C1QTNF3: variants seen among roughly 807,000 people sequenced by gnomAD.
C1QTNF3 encodes complement C1q tumor necrosis factor-related protein 3.
A neutral mutation model predicts 32.6 loss-of-function variants in C1QTNF3; 26 were observed. That is an observed-to-expected ratio of 0.80 (90% CI 0.58 to 1.11). The LOEUF (loss-of-function observed/expected upper bound fraction) is 1.11, where lower values mean the gene tolerates loss of function less well. C1QTNF3 is among the 50% of genes least tolerant of loss of function. The pLI, the probability that C1QTNF3 is intolerant of heterozygous loss-of-function variation, is 0.00. For missense variants in C1QTNF3, 362 were observed against 398.2 expected (o/e 0.91, Z 0.77); for synonymous variants, 155 against 146.0 (o/e 1.06, Z -0.44).
chr5:34,104,547 T>G, the C1QTNF3 span, among the ~76,000 whole-genome samples: 1 of 56,226 alleles, frequency 1.8e-5, no homozygotes, highest in African/African-American at 7.2e-5. Context: ...TTTTATGTAT[T>G]TTTTTGAGAT....
chr5:34,098,950 AG>A, the C1QTNF3 span, among the ~76,000 whole-genome samples: 1 of 152,170 alleles, frequency 6.6e-6, no homozygotes, highest in African/African-American at 2.4e-5. Context: ...ATCAGAATTC[AG>A]TATGTGTTAG....
chr5:34,176,006 G>A, the C1QTNF3 span: 3 of 712,902 alleles, frequency 4.2e-6, no homozygotes, highest in Non-Finnish European at 5.2e-6. Context: ...AATTGTAAAT[G>A]TTAGATAAAA....
the C1QTNF3 span, among the ~76,000 whole-genome samples, chr5:34,197,204 A>G: frequency 3.3e-5 from 5 of 152,296 alleles, no homozygotes; most frequent in African/African-American, 1.2e-4. Flanking sequence ...TAATGCTACC[A>G]GTACTAAGGA....
intron 3 of C1QTNF3, among the ~76,000 whole-genome samples, chr5:34,031,812 C>A (rs946050625): frequency 5.9e-5 from 9 of 152,056 alleles, no homozygotes; most frequent in African/African-American, 2.2e-4. Context: ...AGCCTGTGCA[C>A]ACACACACAA....
the C1QTNF3 span, among the ~76,000 whole-genome samples, chr5:34,229,240 T>C: frequency 3.3e-5 from 5 of 151,932 alleles, no homozygotes; most frequent in Non-Finnish European, 7.4e-5. Flanking sequence ...CACATTTACA[T>C]ATCATAAAAA....
intron 4 of C1QTNF3, 85 bp downstream of exon 4, chr5:34,028,669 C>T: frequency 3.5e-6 from 4 of 1,158,542 alleles, no homozygotes; most frequent in South Asian, 2.1e-5. Flanking sequence ...TTTCTCCGTC[C>T]CTCCCTCTCT....
At chr5:34,219,930 T>C in the C1QTNF3 span, 6 of 152,026 alleles carry the variant, frequency 3.9e-5, no homozygotes, top group African/African-American at 1.4e-4. Flanking sequence ...CAATGAAACA[T>C]CTCCTCATGG....
At chr5:34,207,964 T>C in the C1QTNF3 span, among the ~76,000 whole-genome samples, 4 of 152,180 alleles carry the variant, frequency 2.6e-5, no homozygotes, top group East Asian at 7.7e-4. Context: ...ATTTTTTTTG[T>C]ATTTTTTAGT....
chr5:34,194,754 A>C, the C1QTNF3 span, among the ~76,000 whole-genome samples: 1 of 152,304 alleles, frequency 6.6e-6, no homozygotes, highest in African/African-American at 2.4e-5. Context: ...GACTAGTTTC[A>C]GGATCTCCTG....
At chr5:34,173,072 A>G in the C1QTNF3 span, among the ~76,000 whole-genome samples, 1 of 152,324 alleles carries the variant, frequency 6.6e-6, no homozygotes, top group Non-Finnish European at 1.5e-5. Flanking sequence ...GAAAATATCA[A>G]TAATTTTTTT....
At chr5:34,033,137 C>T (rs1422680242) in intron 3 of C1QTNF3, 167 bp downstream of exon 3, 1 of 663,250 alleles carries the variant, frequency 1.5e-6, no homozygotes, top group Non-Finnish European at 2.5e-6. Flanking sequence ...TCCTTTTGGA[C>T]AGTATGGGCC....
the C1QTNF3 span, among the ~76,000 whole-genome samples, chr5:34,089,281 T>C: frequency 6.6e-6 from 1 of 152,182 alleles, no homozygotes; most frequent in South Asian, 2.1e-4. Context: ...AATTTTCTTT[T>C]CTAGGACCTT....
the C1QTNF3 span, among the ~76,000 whole-genome samples, chr5:34,133,054 T>A: frequency 6.6e-6 from 1 of 152,302 alleles, no homozygotes; most frequent in African/African-American, 2.4e-5. Context: ...GCCTGTATAG[T>A]GATAATGTTT....
the C1QTNF3 span, among the ~76,000 whole-genome samples, chr5:34,220,384 T>C: frequency 1.3e-5 from 2 of 152,158 alleles, no homozygotes; most frequent in South Asian, 2.1e-4. Context: ...ATGAGCTTTC[T>C]ATGTCAATGA....
At chr5:34,075,435 G>C in the C1QTNF3 span, among the ~76,000 whole-genome samples, 2 of 151,640 alleles carry the variant, frequency 1.3e-5, no homozygotes, top group African/African-American at 4.9e-5. Flanking sequence ...GTAGAACTGA[G>C]TATTAACAGA....
chr5:34,112,986 CAAAGAT>C, the C1QTNF3 span, among the ~76,000 whole-genome samples: 1 of 151,352 alleles, frequency 6.6e-6, no homozygotes, highest in African/African-American at 2.4e-5. Flanking sequence ...GAGGGAAAGA[CAAAGAT>C]AATCTAATTC....
the C1QTNF3 span, among the ~76,000 whole-genome samples, chr5:34,220,473 TATA>T: frequency 1.3e-5 from 2 of 150,784 alleles, no homozygotes; most frequent in African/African-American, 2.5e-5. Flanking sequence ...CAATAAAATC[TATA>T]ATGAGTTCAG....
chr5:34,088,441 A>G, the C1QTNF3 span, among the ~76,000 whole-genome samples: 4 of 152,114 alleles, frequency 2.6e-5, no homozygotes, highest in African/African-American at 7.2e-5. Flanking sequence ...GTTTTAGTAT[A>G]TCATTAACCT....
chr5:34,124,244 A>T, the C1QTNF3 span: 6 of 488,078 alleles, frequency 1.2e-5, no homozygotes, highest in Non-Finnish European at 2.2e-5. Context: ...ATCCCTGGAA[A>T]GCTGGTAAAC....
Sources: allele counts gnomAD v4.1 joint callset (sites outside exome capture counted in the v4.1 genomes callset), GRCh38; gene constraint gnomAD v4.1.1; transcripts MANE v1.5; gene names NCBI Gene and HGNC (gene_info 2026-07-23, HGNC 2026-07-21).